Variants in IKBKG observed in about 807,000 individuals in gnomAD.
The protein encoded by IKBKG is NF-kappa-B essential modulator.
A neutral mutation model predicts 13.7 loss-of-function variants in IKBKG; 2 were observed. The ratio of observed to expected loss-of-function variants is 0.15; its 90% confidence interval spans 0.06 to 0.46. The LOEUF is 0.46. Ranked by LOEUF, IKBKG falls within the 20% of genes least tolerant of loss-of-function variation. The pLI, the probability that IKBKG is intolerant of heterozygous loss-of-function variation, is 0.98. For synonymous variants in IKBKG, 22 were observed against 64.4 expected, an observed-to-expected ratio of 0.34 and a Z score of 3.15; for missense variants, 53 against 150.3, an observed-to-expected ratio of 0.35 and a Z score of 3.39.
At chrX:154,548,012 C>T (rs1304702708) in intron 1 of IKBKG, 4 of 753,698 alleles carry the variant, frequency 5.3e-6, no homozygotes, top group East Asian at 1.5e-4. Flanking sequence ...GAGACATATT[C>T]TGTTCACCAA....
rs1557235211 is a variant in IKBKG, at chrX:154,552,136, A to G, written c.134A>G (p.Gln45Arg). Residue 45 changes from glutamine to arginine, a missense_variant, in exon 2 of 10, where the codon CAG becomes CGG. This residue lies in a region of IKBKG where 47 missense variants were observed against 50.0 expected (regional missense o/e 0.94). Transcript: ENST00000594239. ...GCCATGCTGCACCTGCCTTCAGAAC[A>G]GGGCGCTCCTGAGACCCTCCAGCGC... Reference protein sequence around the residue: ...KPAMLHLPSEQGAPETLQRCL... With the variant: ...KPAMLHLPSERGAPETLQRCL... 2 of 1,192,609 alleles carry G rather than the reference A, an allele frequency of 1.7e-6. No individual in the cohort carries two copies. The highest frequency in any genetic ancestry group is 1.8e-5 in the African/African-American group (1 of 56,764).
chrX:154,544,271 A>C (rs1419672483), upstream of IKBKG, among the ~76,000 whole-genome samples: 3 of 109,553 alleles, frequency 2.7e-5, no homozygotes, highest in Non-Finnish European at 3.8e-5. Flanking sequence ...AAGCGATTCT[A>C]CTGCCTCAGC....
chrX:154,542,441 T>A (rs2070540145), upstream of IKBKG: 1 of 1,185,481 alleles, frequency 8.4e-7, no homozygotes. Context: ...CAGAGCTTTC[T>A]GGAAGGGGGC....
At chrX:154,551,445 T>C (rs1375218526) in intron 1 of IKBKG, among the ~76,000 whole-genome samples, 1 of 111,203 alleles carries the variant, frequency 9.0e-6, no homozygotes, top group Non-Finnish European at 1.9e-5. Context: ...TGCGTCTCCC[T>C]CTGGCTTCTC....
chrX:154,546,616 C>T (rs1393021859), upstream of IKBKG, among the ~76,000 whole-genome samples: 4 of 111,503 alleles, frequency 3.6e-5, no homozygotes, highest in Non-Finnish European at 7.6e-5. Context: ...CCCCTTCGCT[C>T]TCGGGGTCTC....
At chrX:154,542,160 G>A in intron 1 of IKBKG, 1 of 522,710 alleles carries the variant, frequency 1.9e-6, no homozygotes, top group South Asian at 3.0e-5. Context: ...GACCAATGGG[G>A]AAGTCAGCCC....
At chrX:154,546,212 G>A, upstream of IKBKG, 1 of 1,202,812 alleles carries the variant, frequency 8.3e-7, no homozygotes, top group East Asian at 3.0e-5. Flanking sequence ...GGAGAGCATT[G>A]AGAAGTTAGC....
rs377406996 is a variant in IKBKG at position 154,552,153 on chromosome X, C to T, written c.151C>T (p.Leu51Phe). 8.0e-5 allele frequency: 95 copies of T among 1,192,104 alleles called. No homozygotes were observed. Among genetic ancestry groups the T allele is most frequent in the Non-Finnish European group, 1.0e-4 (91 of 883,652 alleles). Residue 51 changes from leucine (L) to phenylalanine (F), a missense_variant, in exon 2 of 10, where the codon CTC becomes TTC. Around this residue, in one of 3 missense-constraint regions of IKBKG, gnomAD observed 47 missense variants for 50.0 expected, o/e 0.94. Transcript: ENST00000594239. ...TTCAGAACAGGGCGCTCCTGAGACC[C>T]TCCAGCGCTGCCTGGAGGAGAATCA... is the stretch of plus-strand genomic sequence containing the variant. Reference protein sequence around the residue: ...LPSEQGAPETLQRCLEENQEL... With the variant: ...LPSEQGAPETFQRCLEENQEL...
At chrX:154,548,145 T>C (rs1384019301) in intron 1 of IKBKG, 1 of 730,987 alleles carries the variant, frequency 1.4e-6, no homozygotes, top group Admixed American at 8.7e-5. Context: ...CTGCCTATCG[T>C]CATACTGTTT....
At chrX:154,545,114 G>A (rs782686142), upstream of IKBKG, among the ~76,000 whole-genome samples, 1 of 111,558 alleles carries the variant, frequency 9.0e-6, no homozygotes, top group Admixed American at 9.5e-5. Context: ...ACAGGGGAGG[G>A]TGCTCTAGTC....
chrX:154,559,075 A>C (rs1260269408), intron 4 of IKBKG, among the ~76,000 whole-genome samples: 1 of 111,377 alleles, frequency 9.0e-6, no homozygotes, highest in Non-Finnish European at 1.9e-5. Flanking sequence ...CGAGCGGCAC[A>C]GTGAGAAGCG....
rs782221780 is a variant in IKBKG at position 154,552,210 on chromosome X, T to C, written c.187+21T>C. ...CCGAGGTGAGGAAAGAGTCAGGGGA[T>C]CCAGCCCTGCTGAGGGGAAGGCGTC... On this transcript the variant is annotated intron_variant, in intron 2 of 9. Transcript: ENST00000594239. 1.1e-4 allele frequency: 132 copies of C among 1,156,665 alleles called. 1 individual carries two copies. In the East Asian group the frequency reaches 3.6e-3, roughly 31 times the overall value.
chrX:154,548,029 C>T (rs1383225226), intron 1 of IKBKG: 16 of 753,764 alleles, frequency 2.1e-5, no homozygotes, highest in Non-Finnish European at 2.3e-5. Context: ...CCAAACTTGA[C>T]TGCGCTCTAT....
At chrX:154,543,708 G>A (rs1328418660), upstream of IKBKG, among the ~76,000 whole-genome samples, 1 of 108,873 alleles carries the variant, frequency 9.2e-6, no homozygotes. Context: ...TTATTTTTTT[G>A]AGATGGAGTC....
At chrX:154,562,637 A>G (rs1273039973) in intron 6 of IKBKG, among the ~76,000 whole-genome samples, 173 bp from the exon 7 acceptor site, 3 of 8,244 alleles carry the variant, frequency 3.6e-4, no homozygotes, top group Non-Finnish European at 2.1e-4. Flanking sequence ...GGGCCGTGAC[A>G]GGACGCAGCC....
intron 1 of IKBKG, among the ~76,000 whole-genome samples, chrX:154,551,474 G>C (rs1454010917): frequency 9.0e-6 from 1 of 111,383 alleles, no homozygotes; most frequent in Non-Finnish European, 1.9e-5. Flanking sequence ...CTCTCATAAA[G>C]ACACGTTGTT....
At chrX:154,546,966 G>A (rs1489861694), upstream of IKBKG, 2 of 318,165 alleles carry the variant, frequency 6.3e-6, no homozygotes, top group African/African-American at 2.8e-5. Context: ...CCTCGTGCGG[G>A]CGGGGCGGGG....
chrX:154,546,571 C>T (rs2035592366), upstream of IKBKG, among the ~76,000 whole-genome samples: 1 of 110,789 alleles, frequency 9.0e-6, no homozygotes, highest in African/African-American at 3.3e-5. Context: ...CTCCAGCCCT[C>T]CCCTTGCCAA....
At chrX:154,549,891 T>C (rs1324538223) in intron 1 of IKBKG, among the ~76,000 whole-genome samples, 1 of 112,424 alleles carries the variant, frequency 8.9e-6, no homozygotes, top group Non-Finnish European at 1.9e-5. Context: ...GATTTGTTCA[T>C]GTTATAGCAT....
Sources: gnomAD v4.1 joint callset for allele counts (sites outside exome capture counted in the v4.1 genomes callset) on GRCh38, gnomAD v4.1.1 for gene constraint, gnomAD v4.1.1 regional missense constraint, MANE v1.5 for transcripts, NCBI Gene and HGNC (gene_info 2026-07-23, HGNC 2026-07-21) for gene names.